The following TUBD1 variants were observed in gnomAD, a reference collection of about 807,000 sequenced individuals.
TUBD1 encodes tubulin delta 1.
TUBD1 carries 38 observed loss-of-function variants against 51.2 expected under a neutral mutation model. The ratio of observed to expected loss-of-function variants is 0.74; its 90% CI spans 0.57 to 0.97. TUBD1 has a LOEUF of 0.97. Among genes scored for constraint, TUBD1 ranks in the 50% least tolerant of loss-of-function variants. The pLI, the probability that TUBD1 is intolerant of heterozygous loss-of-function variation, is 0.00. For synonymous variants in TUBD1, 169 were observed against 178.2 expected (o/e 0.95, Z 0.41); for missense variants, 489 against 538.4 (o/e 0.91, Z 0.91).
rs750114433 is a variant in TUBD1 at position 59,874,711 on chromosome 17, GA to G, written c.770-9del. 3.2e-5 allele frequency: 51 copies of G among 1,581,132 alleles called. No homozygotes were observed. The highest frequency in any genetic ancestry group is 9.5e-5 in the Admixed American group (5 of 52,650). On this transcript the variant is annotated splice_polypyrimidine_tract_variant and intron_variant, in intron 5 of 8. Coordinates refer to ENST00000325752, the MANE Select transcript of TUBD1 (RefSeq NM_016261.4). The stretch of plus-strand genomic sequence containing the variant: ...AATGCTCCATTAAGTCTCCTGTAAA[GA>G]AAAAAAAATCTGAACTAATTTTTTT...
rs750096762 is a variant in TUBD1 at position 59,886,132 on chromosome 17, G to A, written c.271C>T (p.His91Tyr). Reference sequence around the variant, plus strand: ...CCTTGTTTTTGACAGAAGCATGCATGTTGACCATATTTCCATTGGCCAGAC... The same window carrying A: ...CCTTGTTTTTGACAGAAGCATGCATATTGACCATATTTCCATTGGCCAGAC... ...AQSGQWKYGQ[H>Y]ACFCQKQGSG... Residue 91 changes from histidine to tyrosine, a missense_variant, in exon 3 of 9, where the codon CAT (histidine) becomes TAT (tyrosine). Physicochemically the swap from His to Tyr is moderately conservative, Grantham distance 83 (BLOSUM62 2). Coordinates refer to ENST00000325752, the MANE Select transcript of TUBD1 (RefSeq NM_016261.4). 34 of 1,613,902 alleles carry A rather than the reference G, an allele frequency of 2.1e-5. No individual in the cohort carries two copies. The highest frequency in any genetic ancestry group is 2.8e-5 in the Non-Finnish European group (33 of 1,180,038).
At chr17:59,886,549 G>C (rs922011158) in intron 2 of TUBD1, 1 of 171,094 alleles carries the variant, frequency 5.8e-6, no homozygotes, top group Admixed American at 7.1e-5. Flanking sequence ...AGAACTGCTT[G>C]AACCTGGAAG....
intron 4 of TUBD1, among the ~76,000 whole-genome samples, chr17:59,879,635 C>A (rs1171524300): frequency 6.6e-6 from 1 of 152,010 alleles, no homozygotes; most frequent in Non-Finnish European, 1.5e-5. Context: ...GGGGTTTCGC[C>A]ATGTTGGCCA....
chr17:59,866,100 G>A (rs2039683515), intron 7 of TUBD1, among the ~76,000 whole-genome samples: 1 of 105,004 alleles, frequency 9.5e-6, no homozygotes, highest in Non-Finnish European at 1.7e-5. Flanking sequence ...AACAGAGTGA[G>A]ACCCCGTCTC....
chr17:59,876,896 C>T (rs975803647), intron 5 of TUBD1, among the ~76,000 whole-genome samples: 1 of 151,116 alleles, frequency 6.6e-6, no homozygotes, highest in Non-Finnish European at 1.5e-5. Flanking sequence ...TGGAGTCTCG[C>T]TGTCGCCCAG....
chr17:59,867,461 A>G (rs1299297224), intron 6 of TUBD1, among the ~76,000 whole-genome samples: 1 of 152,110 alleles, frequency 6.6e-6, no homozygotes, highest in African/African-American at 2.4e-5. Context: ...TAATCCCAGC[A>G]GTTTGGTAGG....
In TUBD1 at chr17:59,866,641, A is replaced by T; in HGVS notation, c.1043T>A (p.Leu348His). Reference sequence around the variant, plus strand: ...TGCACTTTGCACATCTTTCCCACGAAGAATGACCAAGTTAGCAATGGAAGT... The same window carrying T: ...TGCACTTTGCACATCTTTCCCACGATGAATGACCAAGTTAGCAATGGAAGT... The part of the protein sequence containing the change: ...FNTSIANLVI[L>H]RGKDVQSADV... The change falls in exon 7 of 9, where the codon CTT becomes CAT. Residue 348 changes from leucine to histidine, a missense_variant. Transcript: ENST00000325752. The T allele has an allele frequency of 6.2e-7, 1 of 1,614,108 alleles. No homozygotes were observed. The highest frequency in any genetic ancestry group is 8.5e-7 in the Non-Finnish European group (1 of 1,180,006).
At chr17:59,873,960 C>T (rs1404088313) in intron 6 of TUBD1, among the ~76,000 whole-genome samples, 4 of 151,880 alleles carry the variant, frequency 2.6e-5, no homozygotes, top group South Asian at 2.1e-4. Context: ...GAGGCCAAGA[C>T]GGGTGGATCA....
At chr17:59,883,362 T>G (rs1481164312) in intron 3 of TUBD1, among the ~76,000 whole-genome samples, 1 of 151,838 alleles carries the variant, frequency 6.6e-6, no homozygotes, top group Non-Finnish European at 1.5e-5. Flanking sequence ...CTCTGCCTCC[T>G]GGGTTCAAGC....
Position 59,866,760 on chromosome 17 carries a change from A to AAAAAAAAAGC in TUBD1, c.935-21_935-12dup. ...CATGCCTATCAATACCTACCAAAAGAAAAAAAAAGCAAGAGGTTTTATTTT... is the reference window on the plus strand; with the variant it reads ...CATGCCTATCAATACCTACCAAAAGAAAAAAAAAGCAAAAAAAAGCAAGAGGTTTTATTTT... On this transcript the variant is annotated splice_polypyrimidine_tract_variant and intron_variant, in intron 6 of 8. Coordinates refer to ENST00000325752, the MANE Select transcript of TUBD1 (RefSeq NM_016261.4). 6.4e-7 allele frequency: 1 copy of AAAAAAAAAGC among 1,562,924 alleles called. No homozygotes were observed. The highest frequency in any genetic ancestry group is 8.6e-7 in the Non-Finnish European group (1 of 1,158,028).
intron 6 of TUBD1, among the ~76,000 whole-genome samples, chr17:59,869,146 A>G (rs946147481): frequency 2.6e-5 from 4 of 151,920 alleles, no homozygotes; most frequent in Non-Finnish European, 5.9e-5. Flanking sequence ...TGTGTATGAA[A>G]ACATTTATAT....
chr17:59,869,952 A>AT (rs1298350171), intron 6 of TUBD1, among the ~76,000 whole-genome samples: 5 of 152,178 alleles, frequency 3.3e-5, no homozygotes, highest in Admixed American at 1.3e-4. Flanking sequence ...AGGAGAGAAT[A>AT]TAACAGCAAC....
At chr17:59,861,208 T>TC (rs1437550429) in intron 8 of TUBD1, among the ~76,000 whole-genome samples, 1 of 151,424 alleles carries the variant, frequency 6.6e-6, no homozygotes, top group Non-Finnish European at 1.5e-5. Flanking sequence ...TTTTTTTTTT[T>TC]TTGAGACAGG....
At position 59,866,596 on chromosome 17, in the gene TUBD1, C is replaced by A; in HGVS notation, c.1075+13G>T. 1 of 1,611,728 alleles carries A rather than the reference C, an allele frequency of 6.2e-7. No homozygotes were observed. On this transcript the variant is annotated intron_variant, in intron 7 of 8. Transcript: ENST00000325752. ...ACAAAATGTAAATCTTAATTTTCAC[C>A]TGAATTTCTTACCCACATCTGCACT...
rs578056749 is a variant in TUBD1, at chr17:59,869,222, T to G, written c.935-2473A>C. Among the ~76,000 whole-genome samples, 7 of 151,888 alleles carry G rather than the reference T, an allele frequency of 4.6e-5. No individual in the cohort carries two copies. The East Asian group carries it at 1.4e-3, about 29-fold the overall frequency. ...CGGGCATGGTGGCTTCTGCCTATAA[T>G]CCCAGAACTTTGGGAGGCCAAGGCG... On this transcript the variant is annotated intron_variant, in intron 6 of 8. Coordinates refer to ENST00000325752, the MANE Select transcript of TUBD1 (RefSeq NM_016261.4).
chr17:59,880,848 T>C (rs1480600409), intron 4 of TUBD1, 46 bp downstream of exon 4: 2 of 1,549,084 alleles, frequency 1.3e-6, no homozygotes, highest in South Asian at 2.2e-5. Context: ...TTTATTTCTA[T>C]TGCAAAGAAC....
intron 8 of TUBD1, among the ~76,000 whole-genome samples, chr17:59,860,658 C>A (rs1236585384): frequency 6.6e-6 from 1 of 151,666 alleles, no homozygotes; most frequent in Non-Finnish European, 1.5e-5. Context: ...ATGATCTCGG[C>A]TCACTGCAAC....
intron 5 of TUBD1, 46 bp from the exon 6 acceptor site, chr17:59,874,749 T>C: frequency 2.0e-6 from 3 of 1,526,450 alleles, no homozygotes; most frequent in Non-Finnish European, 2.7e-6. Context: ...TATTCTACAT[T>C]GTTGCCAATA....
At chr17:59,869,745 A>G (rs937771824) in intron 6 of TUBD1, among the ~76,000 whole-genome samples, 1 of 152,214 alleles carries the variant, frequency 6.6e-6, no homozygotes, top group Non-Finnish European at 1.5e-5. Flanking sequence ...TCCGTAAGAT[A>G]TTACAAATAA....
Sources: allele counts gnomAD v4.1 joint callset (sites outside exome capture counted in the v4.1 genomes callset), GRCh38; gene constraint gnomAD v4.1.1; transcripts MANE v1.5; gene names NCBI Gene and HGNC (gene_info 2026-07-23, HGNC 2026-07-21).